TTC17: variants seen among roughly 807,000 people sequenced by gnomAD.
TTC17 encodes tetratricopeptide repeat protein 17.
Under a neutral mutation model 143.8 loss-of-function variants are expected in TTC17, and 58 were observed. The ratio of observed to expected loss-of-function variants is 0.40; its 90% CI spans 0.33 to 0.50. The LOEUF is 0.50. Ranked by LOEUF, TTC17 falls within the 20% of genes least tolerant of loss-of-function variation. TTC17 has a pLI of 0.49. For missense variants in TTC17, 1,273 were observed against 1,392.5 expected (o/e 0.91, Z 1.37); for synonymous variants, 501 against 497.8 (o/e 1.01, Z -0.09).
chr11:43,387,012 G>T (rs1182754795), intron 2 of TTC17, among the ~76,000 whole-genome samples: 1 of 151,998 alleles, frequency 6.6e-6, no homozygotes, highest in Non-Finnish European at 1.5e-5. Flanking sequence ...TCAAACTCCT[G>T]AACTCAAGTG....
chr11:43,379,387 C>A, intron 2 of TTC17, 65 bp downstream of exon 2: 1 of 1,408,636 alleles, frequency 7.1e-7, no homozygotes, highest in Non-Finnish European at 9.8e-7. Context: ...CCATTGTGTT[C>A]AAAGAAAAGC....
chr11:43,452,702 A>G (rs372928545), intron 21 of TTC17, among the ~76,000 whole-genome samples: 15 of 152,116 alleles, frequency 9.9e-5, no homozygotes, highest in African/African-American at 3.1e-4. Context: ...TTTGGTGGAC[A>G]AGGCAGGAGG....
chr11:43,403,789 A>G (rs150630728), intron 10 of TTC17, among the ~76,000 whole-genome samples: 4 of 126,450 alleles, frequency 3.2e-5, no homozygotes, highest in Non-Finnish European at 5.8e-5. Context: ...TCCAATGGCA[A>G]AGTTATTGAA....
chr11:43,386,777 GTATT>G (rs57435828), intron 2 of TTC17, among the ~76,000 whole-genome samples: 48 of 152,062 alleles, frequency 3.2e-4, no homozygotes, highest in African/African-American at 9.9e-4. Flanking sequence ...ACGTATGTAT[GTATT>G]TATTTATTTA....
intron 1 of TTC17, among the ~76,000 whole-genome samples, chr11:43,362,149 T>TTGTGTGTGTGTGTG (rs3978779): frequency 7.2e-6 from 1 of 138,054 alleles, no homozygotes; most frequent in Non-Finnish European, 1.5e-5. Flanking sequence ...CCCGGCTAAT[T>TTGTGTGTGTGTGTG]TGTGTGTGTG....
intron 2 of TTC17, among the ~76,000 whole-genome samples, chr11:43,383,230 G>A (rs960182522): frequency 5.3e-5 from 8 of 152,054 alleles, no homozygotes; most frequent in African/African-American, 1.9e-4. Flanking sequence ...ACAAGGGAGT[G>A]GGGGAGAGAG....
chr11:43,401,366 C>A, intron 9 of TTC17, 80 bp from the exon 10 acceptor site: 1 of 941,558 alleles, frequency 1.1e-6, no homozygotes, highest in Non-Finnish European at 1.7e-6. Context: ...AGGGTTGATA[C>A]TAAATGACTT....
intron 1 of TTC17, 145 bp from the exon 2 acceptor site, chr11:43,379,088 C>T (rs1856867860): frequency 1.3e-6 from 1 of 771,402 alleles, no homozygotes; most frequent in Non-Finnish European, 2.2e-6. Context: ...CATGTGATCA[C>T]TTTGAAATAC....
chr11:43,441,166 G>C (rs1039921803), intron 16 of TTC17, among the ~76,000 whole-genome samples: 4 of 151,636 alleles, frequency 2.6e-5, no homozygotes, highest in African/African-American at 9.7e-5. Context: ...AGCTACCTGG[G>C]AGGCTGAGGC....
At chr11:43,359,139 C>G in intron 1 of TTC17, 26 bp downstream of exon 1, 1 of 1,553,424 alleles carries the variant, frequency 6.4e-7, no homozygotes, top group East Asian at 2.5e-5. Flanking sequence ...TCCCTCTTCT[C>G]CCGTGCCCGC....
At position 43,367,036 on chromosome 11, in the gene TTC17, G is replaced by A. The variant is rs140622983; in HGVS notation, c.159+7923G>A. On this transcript the variant is annotated intron_variant, in intron 1 of 23. Transcript: ENST00000039989. The stretch of plus-strand genomic sequence containing the variant: ...TAGCATCCTGAATTCCTTTATGAAA[G>A]GATCTACCATACTGTGTTGGGCCTA... Among the ~76,000 whole-genome samples, 531 of 152,252 alleles carry A rather than the reference G, an allele frequency of 3.5e-3. 3 individuals carry two copies. The highest frequency in any genetic ancestry group is 0.012 in the African/African-American group (504 of 41,540).
At chr11:43,385,175 T>G (rs1481338958) in intron 2 of TTC17, among the ~76,000 whole-genome samples, 2 of 152,112 alleles carry the variant, frequency 1.3e-5, no homozygotes, top group African/African-American at 4.8e-5. Flanking sequence ...AGGTAACACC[T>G]TTGGATCTAT....
intron 23 of TTC17, among the ~76,000 whole-genome samples, chr11:43,493,498 G>C (rs1049822169): frequency 1.5e-4 from 23 of 152,108 alleles, no homozygotes; most frequent in African/African-American, 5.6e-4. Flanking sequence ...ACTGTTGCTG[G>C]GTTTGTAAAA....
chr11:43,372,492 T>TTATG (rs1856606948), intron 1 of TTC17, among the ~76,000 whole-genome samples: 1 of 149,926 alleles, frequency 6.7e-6, no homozygotes, highest in South Asian at 2.1e-4. Flanking sequence ...TTTTATTTAT[T>TTATG]TATTTATTTA....
intron 1 of TTC17, among the ~76,000 whole-genome samples, chr11:43,369,475 A>G (rs77427491): frequency 0.014 from 2,208 of 152,314 alleles, 36 homozygotes; most frequent in African/African-American, 0.048. Flanking sequence ...AAAACTTTAG[A>G]AAACAGGGAT....
At chr11:43,391,393 T>C in intron 3 of TTC17, 72 bp from the exon 4 acceptor site, 1 of 1,052,578 alleles carries the variant, frequency 9.5e-7, no homozygotes, top group Non-Finnish European at 1.4e-6. Context: ...AATGAGACCC[T>C]TTCTCTAAAT....
rs1367247881 is a variant in TTC17, at chr11:43,490,281, TG to T, written c.3075del (p.Trp1025Ter). 1 of 1,613,120 alleles carries T rather than the reference TG, an allele frequency of 6.2e-7. No individual in the cohort carries two copies. Among genetic ancestry groups the T allele is most frequent in the Non-Finnish European group, 8.5e-7 (1 of 1,179,522 alleles). ...WVLSSMAALY[W>X]RVKGQGKKAI... ...CCTCTCCAGCATGGCAGCCCTCTACTGGAGGGTGAAAGGCCAAGGAAAGAAG... is the reference window on the plus strand; with the variant it reads ...CCTCTCCAGCATGGCAGCCCTCTACTGAGGGTGAAAGGCCAAGGAAAGAAG... On this transcript the variant is annotated frameshift_variant, in exon 22 of 24. Coordinates refer to ENST00000039989, the MANE Select transcript of TTC17 (RefSeq NM_018259.6). LOFTEE classifies it high-confidence loss of function.
chr11:43,412,692 G>C (rs1438547848), intron 15 of TTC17, among the ~76,000 whole-genome samples: 1 of 152,100 alleles, frequency 6.6e-6, no homozygotes, highest in African/African-American at 2.4e-5. Flanking sequence ...TGGATTTTCA[G>C]ATGGGGATGT....
intron 18 of TTC17, 98 bp from the exon 19 acceptor site, chr11:43,447,904 A>G (rs1947579121): frequency 2.7e-6 from 4 of 1,485,544 alleles, no homozygotes; most frequent in Non-Finnish European, 3.6e-6. Flanking sequence ...TAGCACCTCC[A>G]AATACACCAA....
Sources: gnomAD v4.1 joint callset for allele counts (sites outside exome capture counted in the v4.1 genomes callset) on GRCh38, gnomAD v4.1.1 for gene constraint, MANE v1.5 for transcripts, NCBI Gene and HGNC (gene_info 2026-07-23, HGNC 2026-07-21) for gene names.